The following CCL19 variants were observed in gnomAD, a reference collection of about 807,000 sequenced individuals.
CCL19 encodes C-C motif chemokine 19.
CCL19 carries 5 observed loss-of-function variants against 9.7 expected under a neutral mutation model. That is an observed-to-expected ratio of 0.51 (90% CI 0.27 to 1.08). The LOEUF (loss-of-function observed/expected upper bound fraction) is 1.08. Ranked by LOEUF, CCL19 falls within the 50% of genes least tolerant of loss-of-function variation. CCL19 has a pLI of 0.12. For missense variants in CCL19, 90 were observed against 122.5 expected (o/e 0.73, Z 1.25); for synonymous variants, 40 against 47.4 (o/e 0.84, Z 0.64).
intron 2 of CCL19, 68 bp from the exon 3 acceptor site, chr9:34,690,091 C>T (rs1821776646): frequency 2.5e-6 from 4 of 1,590,826 alleles, no homozygotes; most frequent in Non-Finnish European, 3.4e-6. Flanking sequence ...GTCTGGGAAC[C>T]TGTTTCAGGG....
In CCL19 at chr9:34,689,713, G is replaced by A. The variant is rs1360465256; in HGVS notation, c.*106C>T. ...GTCCTGGCTGGTCAGGTCTGGTGCAGAGGAGCTGGAAGCCTGGTCCTTCCT... is the reference window on the plus strand; with the variant it reads ...GTCCTGGCTGGTCAGGTCTGGTGCAAAGGAGCTGGAAGCCTGGTCCTTCCT... On this transcript the variant is annotated 3_prime_UTR_variant, in exon 4 of 4. Transcript: ENST00000311925. This position sits in a 1 kb window ranked among gnomAD's most constrained non-coding sequence, Gnocchi z 4.1. 1 of 1,345,202 alleles carries A rather than the reference G, an allele frequency of 7.4e-7. No individual in the cohort carries two copies. Among genetic ancestry groups the A allele is most frequent in the East Asian group, 2.3e-5 (1 of 43,646 alleles). The allele number at this position is 1,345,202 out of a possible 1,614,324, so 83.3% of individuals were successfully genotyped here.
Sources: allele counts gnomAD v4.1 joint callset, GRCh38; gene constraint gnomAD v4.1.1; non-coding constraint Gnocchi (gnomAD v3.1); transcripts MANE v1.5; gene names NCBI Gene and HGNC (gene_info 2026-07-23, HGNC 2026-07-21).